The following FRMD1 variants were observed in gnomAD, a reference collection of about 807,000 sequenced individuals.
FRMD1 encodes FERM domain containing 1, also known as FERM domain-containing protein 1.
A neutral mutation model predicts 54.9 loss-of-function variants in FRMD1; 51 were observed. That is an observed-to-expected ratio of 0.93 (90% confidence interval 0.74 to 1.17). The LOEUF (loss-of-function observed/expected upper bound fraction) is 1.17. FRMD1 is among the 50% of genes most tolerant of loss of function. The pLI, the probability that FRMD1 is intolerant of heterozygous loss-of-function variation, is 0.00. For synonymous variants in FRMD1, 324 were observed against 306.4 expected, an observed-to-expected ratio of 1.06 and a Z score of -0.60; for missense variants, 729 against 743.0, an observed-to-expected ratio of 0.98 and a Z score of 0.22.
At chr6:168,075,452 G>A in intron 1 of FRMD1, 117 bp from the exon 2 acceptor site, 2 of 786,350 alleles carry the variant, frequency 2.5e-6, no homozygotes, top group Admixed American at 1.9e-5. Flanking sequence ...GGCATCCCCT[G>A]CAGGTAACAG....
At chr6:168,073,716 G>A (rs1404608627) in intron 2 of FRMD1, among the ~76,000 whole-genome samples, 3 of 152,170 alleles carry the variant, frequency 2.0e-5, no homozygotes, top group East Asian at 1.9e-4. Context: ...CACACAGGAC[G>A]GTCACAGCAA....
intron 1 of FRMD1, among the ~76,000 whole-genome samples, chr6:168,087,990 C>T (rs1351496527): frequency 6.6e-6 from 1 of 152,190 alleles, no homozygotes; most frequent in Non-Finnish European, 1.5e-5. Flanking sequence ...GAGGGCGGGG[C>T]TCTGTGTGTG....
intron 1 of FRMD1, among the ~76,000 whole-genome samples, chr6:168,092,166 G>A (rs538984421): frequency 5.9e-5 from 9 of 152,384 alleles, no homozygotes; most frequent in Admixed American, 1.3e-4. Context: ...ACAGTGCCCC[G>A]TCTGCTCTGA....
chr6:168,071,225 G>A (rs1335173725), intron 2 of FRMD1, among the ~76,000 whole-genome samples: 3 of 152,190 alleles, frequency 2.0e-5, no homozygotes, highest in Non-Finnish European at 4.4e-5. Flanking sequence ...GTCTTATTTT[G>A]CCTTGCCTCT....
At chr6:168,081,703 C>T, upstream of FRMD1, 1 of 490,334 alleles carries the variant, frequency 2.0e-6, no homozygotes, top group South Asian at 6.0e-5. Flanking sequence ...CATCCCACTG[C>T]AAGGGAGAAG....
Position 168,057,004 on chromosome 6 carries a change from T to C in FRMD1, c.*93A>G, listed in dbSNP as rs1799435862. 3 of 1,367,580 alleles carry C rather than the reference T, an allele frequency of 2.2e-6. No homozygotes were observed. The highest frequency in any genetic ancestry group is 2.9e-6 in the Non-Finnish European group (3 of 1,046,756). 84.7% of individuals were successfully genotyped at this position (1,367,580 alleles called of 1,614,324 possible). A position where few individuals can be genotyped will look rare whatever the true frequency, so the allele number is the denominator to read the frequency against. ...GCTGGCTGCGGAAGTGCAGGCAGCA[T>C]CTGGCGGGCAGGAAGGGACGAGGGC... On this transcript the variant is annotated 3_prime_UTR_variant, in exon 11 of 11. Transcript: ENST00000283309.
chr6:168,058,663 G>A (rs1179693162), intron 10 of FRMD1, among the ~76,000 whole-genome samples: 1 of 152,190 alleles, frequency 6.6e-6, no homozygotes, highest in East Asian at 1.9e-4. Context: ...TTCTCCTCTA[G>A]CTCCTCTGGG....
chr6:168,065,977 C>T, intron 4 of FRMD1: 1 of 1,000,280 alleles, frequency 1.0e-6, no homozygotes, highest in Non-Finnish European at 1.2e-6. Flanking sequence ...TCTAAGGCAG[C>T]TCTGGAAGAA....
intron 1 of FRMD1, among the ~76,000 whole-genome samples, chr6:168,077,772 T>C (rs1481397248): frequency 1.3e-5 from 2 of 152,334 alleles, no homozygotes; most frequent in South Asian, 4.1e-4. Context: ...CCAGCTCTTA[T>C]GGGGTAGGGG....
chr6:168,086,648 G>C (rs1442669799), intron 1 of FRMD1, among the ~76,000 whole-genome samples: 1 of 152,230 alleles, frequency 6.6e-6, no homozygotes, highest in Admixed American at 6.5e-5. Flanking sequence ...CATGGATGCC[G>C]CCCATGTTCC....
Position 168,059,133 on chromosome 6 carries a change from G to C in FRMD1, c.1398C>G (p.Ala466=). The C allele has an allele frequency of 1.3e-6, 2 of 1,576,844 alleles. No homozygotes were observed. The highest frequency in any genetic ancestry group is 1.7e-6 in the Non-Finnish European group (2 of 1,165,670). The part of the protein sequence containing the change: ...QVRTRGQSAE[A]VHQIQEMTAG... Reference sequence around the variant, plus strand: ...GTGGGGGGGACTCTACCTGGTGCACGGCCTCGGCGCTCTGGCCTCTGGTCC... The same window carrying C: ...GTGGGGGGGACTCTACCTGGTGCACCGCCTCGGCGCTCTGGCCTCTGGTCC... The change falls in exon 10 of 11, where the codon GCC becomes GCG. Residue 466 remains alanine (A), a synonymous_variant. Transcript: ENST00000283309. The surrounding 1 kb of genome is among the most constrained non-coding windows in gnomAD (Gnocchi z 4.4).
chr6:168,075,170 G>A lies in FRMD1; in HGVS notation c.304+75C>T, dbSNP rs563541274. ...ACTGTGTACATTATGGATGTGTGTG[G>A]TGTGCCCACCCCCTTGACCTCCAGC... On this transcript the variant is annotated intron_variant, in intron 2 of 10. Transcript: ENST00000283309. 6.7e-6 allele frequency: 8 copies of A among 1,200,060 alleles called. No homozygotes were observed. The Admixed American group carries it at 1.2e-4, about 18-fold the overall frequency. The allele number at this position is 1,200,060 out of a possible 1,614,324, so 74.3% of individuals were successfully genotyped here. A position where few individuals can be genotyped will look rare whatever the true frequency, so the allele number is the denominator to read the frequency against.
upstream of FRMD1, among the ~76,000 whole-genome samples, chr6:168,082,270 C>T (rs1005126832): frequency 3.3e-5 from 5 of 152,370 alleles, 1 homozygote; most frequent in South Asian, 1.0e-3. Flanking sequence ...AACACCCAGT[C>T]TGTGGATGAG....
intron 2 of FRMD1, among the ~76,000 whole-genome samples, chr6:168,072,315 T>C (rs1423654605): frequency 6.6e-6 from 1 of 152,128 alleles, no homozygotes; most frequent in Non-Finnish European, 1.5e-5. Context: ...CCACCTGCTG[T>C]CTCTAGGTTT....
In FRMD1 at chr6:168,056,906, G is replaced by T; in HGVS notation, c.*191C>A. On this transcript the variant is annotated 3_prime_UTR_variant, in exon 11 of 11. Coordinates refer to ENST00000283309, the MANE Select transcript of FRMD1 (RefSeq NM_024919.6). ...GTATGGCAGACAGGCATGAGGTGCG[G>T]GACCTGTTTGTTACCTCCCAGGTTG... is the stretch of plus-strand genomic sequence containing the variant. 1.7e-6 allele frequency: 1 copy of T among 577,486 alleles called. No individual in the cohort carries two copies. Among genetic ancestry groups the T allele is most frequent in the Non-Finnish European group, 2.7e-6 (1 of 364,142 alleles). 35.8% of individuals were successfully genotyped at this position (577,486 alleles called of 1,614,324 possible).
intron 1 of FRMD1, among the ~76,000 whole-genome samples, chr6:168,086,865 C>G (rs1356827143): frequency 6.6e-6 from 1 of 152,240 alleles, no homozygotes; most frequent in Admixed American, 6.5e-5. Flanking sequence ...GGTTTGTGCC[C>G]TTGGGCACCT....
chr6:168,055,159 GC>G lies in FRMD1; in HGVS notation c.*1937del, dbSNP rs1249617454. On this transcript the variant is annotated 3_prime_UTR_variant, in exon 11 of 11. Transcript: ENST00000283309. ...GTCAGCCAGGGGCCATGGCTGCCTC[GC>G]CTCTGCCAGGACACAAGGCGCCGGG... is the stretch of plus-strand genomic sequence containing the variant. 5 of 152,218 alleles carry G rather than the reference GC, an allele frequency of 3.3e-5. No individual in the cohort carries two copies. The highest frequency in any genetic ancestry group is 1.2e-4 in the African/African-American group (5 of 41,438). The allele number at this position is 152,218 out of a possible 1,614,324, so 9.4% of individuals were successfully genotyped here.
At chr6:168,075,657 C>A (rs1800553985) in intron 1 of FRMD1, 1 of 1,113,338 alleles carries the variant, frequency 9.0e-7, no homozygotes, top group Non-Finnish European at 1.3e-6. Context: ...AGCGTCAACT[C>A]CAGGGCCGCC....
Position 168,064,334 on chromosome 6 carries a change from G to A in FRMD1, c.648+537C>T, listed in dbSNP as rs951739999. 9.2e-5 allele frequency among the ~76,000 whole-genome samples: 14 copies of A among 152,206 alleles called. 1 individual carries two copies. Among genetic ancestry groups the A allele is most frequent in the Admixed American group, 6.5e-5 (1 of 15,286 alleles). ...CACCCGGAACAGGGCCTGCATCCCC[G>A]GGGTGACAGCCATCAATCCGCGCGG... On this transcript the variant is annotated intron_variant, in intron 5 of 10. Coordinates refer to ENST00000283309, the MANE Select transcript of FRMD1 (RefSeq NM_024919.6).
Sources: gnomAD v4.1 joint callset for allele counts (sites outside exome capture counted in the v4.1 genomes callset) on GRCh38, gnomAD v4.1.1 for gene constraint, Gnocchi (gnomAD v3.1) non-coding constraint, MANE v1.5 for transcripts, NCBI Gene and HGNC (gene_info 2026-07-23, HGNC 2026-07-21) for gene names.